PLEKHM3: variants seen among roughly 807,000 people sequenced by gnomAD.
PLEKHM3 encodes pleckstrin homology domain-containing family M member 3.
PLEKHM3 carries 45 observed loss-of-function variants against 81.8 expected under a neutral mutation model. The ratio of observed to expected loss-of-function variants is 0.55; its 90% CI spans 0.43 to 0.71. The LOEUF is 0.71. Among genes scored for constraint, PLEKHM3 ranks in the 30% least tolerant of loss-of-function variants. The probability of loss-of-function intolerance (pLI) is 0.00; values close to 1 mark genes in which losing one functional copy is unlikely to be tolerated. For synonymous variants in PLEKHM3, 352 were observed against 356.4 expected (o/e 0.99, Z 0.14); for missense variants, 788 against 924.3 (o/e 0.85, Z 1.91).
intron 5 of PLEKHM3, among the ~76,000 whole-genome samples, chr2:207,916,159 G>C (rs564861350): frequency 6.6e-6 from 1 of 152,244 alleles, no homozygotes; most frequent in South Asian, 2.1e-4. Flanking sequence ...CTGAAAAAAT[G>C]GCAAGATTGC....
intron 1 of PLEKHM3, among the ~76,000 whole-genome samples, chr2:208,023,590 T>C (rs1045218939): frequency 6.6e-6 from 1 of 152,148 alleles, no homozygotes; most frequent in Non-Finnish European, 1.5e-5. Context: ...GCAAACCTTA[T>C]TGTGAACTGT....
intron 6 of PLEKHM3, among the ~76,000 whole-genome samples, chr2:207,906,003 A>G (rs1455717377): frequency 2.6e-5 from 4 of 152,248 alleles, no homozygotes; most frequent in African/African-American, 9.6e-5. Flanking sequence ...GTATGATTCC[A>G]AATGGATACA....
At chr2:207,838,832 C>G (rs1485972234) in intron 7 of PLEKHM3, among the ~76,000 whole-genome samples, 1 of 152,140 alleles carries the variant, frequency 6.6e-6, no homozygotes, top group Non-Finnish European at 1.5e-5. Flanking sequence ...TGGGAAAAAG[C>G]TACACTGTAT....
At position 207,861,209 on chromosome 2, in the gene PLEKHM3, G is replaced by A; in HGVS notation, c.2004C>T (p.Thr668=). 1.9e-6 allele frequency: 3 copies of A among 1,614,116 alleles called. No homozygotes were observed. The highest frequency in any genetic ancestry group is 4.5e-5 in the East Asian group (2 of 44,882). Residue 668 remains threonine (T), a synonymous_variant, in exon 7 of 8, where the codon ACC becomes ACT. Transcript: ENST00000427836. ...AAAGACTGCAGCTGTACACGTGTGA[G>A]GTGGCAAATTTAATGACCTTGCCCA... ...PFLGKVIKFA[T]SHVYSCSLCS...
intron 6 of PLEKHM3, among the ~76,000 whole-genome samples, chr2:207,882,536 C>T (rs377390145): frequency 2.2e-5 from 3 of 139,534 alleles, no homozygotes; most frequent in South Asian, 2.4e-4. Context: ...CACTTGAACC[C>T]GGGAGGCAGA....
chr2:208,017,473 A>G lies in PLEKHM3; in HGVS notation c.-319+7916T>C, dbSNP rs960641280. On this transcript the variant is annotated intron_variant, in intron 1 of 7. Coordinates refer to ENST00000427836, the MANE Select transcript of PLEKHM3 (RefSeq NM_001080475.3). ...TCAAGGCAGTAAGAGTTTGCTGTGC[A>G]TCAGCTTTTCTGGTGGTCTTGGAAA... Among the ~76,000 whole-genome samples, 11 of 152,310 alleles carry G rather than the reference A, an allele frequency of 7.2e-5. No individual in the cohort carries two copies. The East Asian group carries it at 1.3e-3, about 19-fold the overall frequency.
chr2:207,931,417 A>G (rs1416147831), intron 4 of PLEKHM3, among the ~76,000 whole-genome samples: 1 of 152,170 alleles, frequency 6.6e-6, no homozygotes, highest in African/African-American at 2.4e-5. Context: ...TATTATACCA[A>G]TGTCAACTTG....
At chr2:207,917,221 C>G (rs1002154037) in intron 5 of PLEKHM3, among the ~76,000 whole-genome samples, 16 of 152,314 alleles carry the variant, frequency 1.1e-4, no homozygotes, top group Middle Eastern at 3.4e-3. Context: ...GCTAAAGCCC[C>G]AGCTGCAGCT....
At chr2:207,921,446 TATA>T (rs1223523295) in intron 5 of PLEKHM3, among the ~76,000 whole-genome samples, 1 of 152,238 alleles carries the variant, frequency 6.6e-6, no homozygotes, top group Non-Finnish European at 1.5e-5. Flanking sequence ...TTATACAATG[TATA>T]ATAATCAAAT....
intron 2 of PLEKHM3, among the ~76,000 whole-genome samples, chr2:207,990,774 T>C (rs1691874319): frequency 6.6e-6 from 1 of 152,126 alleles, no homozygotes; most frequent in African/African-American, 2.4e-5. Context: ...TATTAACAAA[T>C]TTGTTCTGGT....
chr2:207,937,378 C>A (rs1468273022), intron 4 of PLEKHM3, among the ~76,000 whole-genome samples: 1 of 152,042 alleles, frequency 6.6e-6, no homozygotes, highest in African/African-American at 2.4e-5. Flanking sequence ...CCAGCCTGGG[C>A]AACATAGCAA....
chr2:208,010,336 T>C (rs998873774), intron 1 of PLEKHM3, among the ~76,000 whole-genome samples: 2 of 152,182 alleles, frequency 1.3e-5, no homozygotes, highest in Admixed American at 6.5e-5. Flanking sequence ...TTATGTGAAA[T>C]TGGAAAACCA....
chr2:207,885,906 A>T (rs553583551), intron 6 of PLEKHM3, among the ~76,000 whole-genome samples: 1 of 152,358 alleles, frequency 6.6e-6, no homozygotes, highest in Admixed American at 6.5e-5. Context: ...AAGAAAGATT[A>T]GCATGAGTCC....
intron 4 of PLEKHM3, 116 bp from the exon 5 acceptor site, chr2:207,931,235 C>G: frequency 9.9e-7 from 1 of 1,008,446 alleles, no homozygotes; most frequent in South Asian, 1.9e-5. Context: ...TCAATACAGA[C>G]AAATGAAAAA....
Position 207,865,637 on chromosome 2 carries a change from G to A in PLEKHM3, c.1951-4375C>T, listed in dbSNP as rs527750520. Among the ~76,000 whole-genome samples, 8 of 150,338 alleles carry A rather than the reference G, an allele frequency of 5.3e-5. No homozygotes were observed. In the South Asian group the frequency reaches 8.4e-4, roughly 16 times the overall value. On this transcript the variant is annotated intron_variant, in intron 6 of 7. Coordinates refer to ENST00000427836, the MANE Select transcript of PLEKHM3 (RefSeq NM_001080475.3). ...TACTAAAAATACAAAAAAATTAGCC[G>A]GGCATGGTGGTGTATGCCTGTAATC...
At chr2:207,879,142 A>T (rs1276729323) in intron 6 of PLEKHM3, among the ~76,000 whole-genome samples, 1 of 152,182 alleles carries the variant, frequency 6.6e-6, no homozygotes. Flanking sequence ...GAGTATTATA[A>T]TCATTTTGCA....
chr2:208,021,816 G>A (rs184283322), intron 1 of PLEKHM3, among the ~76,000 whole-genome samples: 87 of 152,126 alleles, frequency 5.7e-4, no homozygotes, highest in Non-Finnish European at 1.6e-4. Flanking sequence ...CTATAGATAC[G>A]CATTTTTCCC....
intron 7 of PLEKHM3, 33 bp downstream of exon 7, chr2:207,861,072 G>T (rs1247403784): frequency 6.2e-7 from 1 of 1,605,716 alleles, no homozygotes; most frequent in Non-Finnish European, 8.5e-7. Flanking sequence ...TTACACATTT[G>T]GGTGTTCTTT....
At chr2:207,919,944 G>C (rs1379903340) in intron 5 of PLEKHM3, among the ~76,000 whole-genome samples, 1 of 151,322 alleles carries the variant, frequency 6.6e-6, no homozygotes, top group Non-Finnish European at 1.5e-5. Context: ...ATGAGAGTCT[G>C]TCAGGACAGA....
Sources: allele counts gnomAD v4.1 joint callset (sites outside exome capture counted in the v4.1 genomes callset), GRCh38; gene constraint gnomAD v4.1.1; transcripts MANE v1.5; gene names NCBI Gene and HGNC (gene_info 2026-07-23, HGNC 2026-07-21).